The following KCNH8 variants were observed in gnomAD, a reference collection of about 807,000 sequenced individuals.
KCNH8 encodes the protein voltage-gated delayed rectifier potassium channel KCNH8.
KCNH8 carries 70 observed loss-of-function variants against 103.6 expected under a neutral mutation model. The observed-to-expected ratio is 0.68, with a 90% CI of 0.56 to 0.82. The LOEUF (loss-of-function observed/expected upper bound fraction) is 0.82, where lower values mean the gene tolerates loss of function less well. KCNH8 is among the 40% of genes least tolerant of loss of function. The probability of loss-of-function intolerance (pLI) is 0.00; values close to 1 mark genes in which losing one functional copy is unlikely to be tolerated. For missense variants in KCNH8, 1,217 were observed against 1,329.9 expected, an observed-to-expected ratio of 0.92 and a Z score of 1.32; for synonymous variants, 498 against 489.4, an observed-to-expected ratio of 1.02 and a Z score of -0.23.
At chr3:19,460,562 A>G (rs999593202) in intron 11 of KCNH8, among the ~76,000 whole-genome samples, 12 of 152,066 alleles carry the variant, frequency 7.9e-5, no homozygotes, top group South Asian at 4.1e-4. Flanking sequence ...CTTCTATTCT[A>G]TCTTACAATG....
At chr3:19,455,015 A>C (rs74317617) in intron 10 of KCNH8, among the ~76,000 whole-genome samples, 1 of 152,166 alleles carries the variant, frequency 6.6e-6, no homozygotes, top group African/African-American at 2.4e-5. Flanking sequence ...CAAGTACATG[A>C]CATTATACTT....
chr3:19,447,369 G>A (rs2067378049), intron 8 of KCNH8, among the ~76,000 whole-genome samples: 1 of 152,004 alleles, frequency 6.6e-6, no homozygotes, highest in Non-Finnish European at 1.5e-5. Flanking sequence ...ACTTATGAAT[G>A]CTACAATTAA....
At chr3:19,503,714 T>C (rs1413167510) in intron 11 of KCNH8, among the ~76,000 whole-genome samples, 1 of 135,066 alleles carries the variant, frequency 7.4e-6, no homozygotes. Context: ...CACTCATAGG[T>C]GGGAATTGAA....
chr3:19,520,227 C>A (rs115518519), intron 15 of KCNH8, among the ~76,000 whole-genome samples: 7 of 151,700 alleles, frequency 4.6e-5, no homozygotes, highest in Non-Finnish European at 1.0e-4. Context: ...TATCCCTCCC[C>A]TAGCCCCCCG....
intron 5 of KCNH8, among the ~76,000 whole-genome samples, chr3:19,349,268 T>G (rs1212901228): frequency 6.6e-6 from 1 of 152,088 alleles, no homozygotes; most frequent in Non-Finnish European, 1.5e-5. Context: ...ACATTCCAGT[T>G]TGAACAAGAA....
At chr3:19,438,133 T>A (rs368218947) in intron 7 of KCNH8, 31 bp from the exon 8 acceptor site, 161 of 1,563,226 alleles carry the variant, frequency 1.0e-4, no homozygotes, top group Non-Finnish European at 1.2e-4. Context: ...TACTTTTTCT[T>A]CTCTCATTTG....
rs77960140 is a variant in KCNH8, at chr3:19,286,696, G to A, written c.442+5367G>A. Among the ~76,000 whole-genome samples the A allele has an allele frequency of 6.1e-3, 936 of 152,214 alleles. 3 individuals carry two copies. The highest frequency in any genetic ancestry group is 0.01 in the Middle Eastern group (3 of 294). On this transcript the variant is annotated intron_variant, in intron 3 of 15. Coordinates refer to ENST00000328405, the MANE Select transcript of KCNH8 (RefSeq NM_144633.3). ...AAAAAATCTCTAGATTACTTATAAT[G>A]CCCAATGCAATGTAAATGCTATGAA... is the stretch of plus-strand genomic sequence containing the variant.
chr3:19,486,506 A>T (rs955730642), intron 11 of KCNH8, among the ~76,000 whole-genome samples: 1 of 151,998 alleles, frequency 6.6e-6, no homozygotes, highest in African/African-American at 2.4e-5. Context: ...GCCTTTGGAA[A>T]CCCCATCTAG....
chr3:19,513,278 G>A lies in KCNH8; in HGVS notation c.2388G>A (p.Leu796=). The change falls in exon 13 of 16, where the codon TTG becomes TTA. Residue 796 remains leucine, a synonymous_variant. Transcript: ENST00000328405. ...HNKRKEKNLK[L]QLSTLNNAGP... ...AAAGGAAAGAGAAGAACTTGAAATT[G>A]CAACTTTCAACTTTGAATAATGCTG... 1.2e-6 allele frequency: 2 copies of A among 1,612,344 alleles called. No individual in the cohort carries two copies. The highest frequency in any genetic ancestry group is 2.2e-5 in the East Asian group (1 of 44,852).
chr3:19,200,762 C>T (rs965410595), intron 1 of KCNH8, among the ~76,000 whole-genome samples: 4 of 151,966 alleles, frequency 2.6e-5, no homozygotes, highest in South Asian at 4.2e-4. Context: ...AACTTTAATA[C>T]ACGAAGTTCT....
chr3:19,452,335 A>C (rs1288905216), intron 10 of KCNH8, among the ~76,000 whole-genome samples: 4 of 152,132 alleles, frequency 2.6e-5, no homozygotes, highest in African/African-American at 9.7e-5. Context: ...CAGTAAGCCA[A>C]GATAGTGCCA....
At chr3:19,508,640 G>C in intron 11 of KCNH8, among the ~76,000 whole-genome samples, 1 of 152,126 alleles carries the variant, frequency 6.6e-6, no homozygotes, top group East Asian at 1.9e-4. Flanking sequence ...TTGGTCATGA[G>C]CTCTTACTAC....
chr3:19,205,326 T>C (rs538777352), intron 1 of KCNH8, among the ~76,000 whole-genome samples: 72 of 152,216 alleles, frequency 4.7e-4, no homozygotes, highest in African/African-American at 1.6e-3. Flanking sequence ...CTGCTTATAT[T>C]CCACTGCTTT....
intron 11 of KCNH8, among the ~76,000 whole-genome samples, chr3:19,490,478 A>G (rs1179301448): frequency 2.0e-5 from 3 of 152,184 alleles, no homozygotes; most frequent in Non-Finnish European, 4.4e-5. Context: ...TCAGAATGGA[A>G]CAGAACAGGA....
chr3:19,251,505 T>C lies in KCNH8; in HGVS notation c.77-2149T>C, dbSNP rs546185329. On this transcript the variant is annotated intron_variant, in intron 1 of 15. Coordinates refer to ENST00000328405, the MANE Select transcript of KCNH8 (RefSeq NM_144633.3). ...AGGCGCTGATTGGAGCAAAGCTGAGTAGTGTGGATTTTGTTCTGCCAGCCG... is the reference window on the plus strand; with the variant it reads ...AGGCGCTGATTGGAGCAAAGCTGAGCAGTGTGGATTTTGTTCTGCCAGCCG... 2.6e-5 allele frequency among the ~76,000 whole-genome samples: 4 copies of C among 151,810 alleles called. No individual in the cohort carries two copies. In the South Asian group the frequency reaches 6.2e-4, roughly 24 times the overall value.
intron 5 of KCNH8, among the ~76,000 whole-genome samples, chr3:19,379,689 A>C (rs978332342): frequency 6.6e-6 from 1 of 152,214 alleles, no homozygotes; most frequent in Non-Finnish European, 1.5e-5. Context: ...AGAATTCATC[A>C]AAACCACCCC....
chr3:19,476,263 C>A (rs1158950306), intron 11 of KCNH8, among the ~76,000 whole-genome samples: 1 of 152,144 alleles, frequency 6.6e-6, no homozygotes, highest in Non-Finnish European at 1.5e-5. Context: ...ACACTATCTT[C>A]AACAGACAAG....
At chr3:19,420,596 T>A (rs1165953050) in intron 7 of KCNH8, among the ~76,000 whole-genome samples, 2 of 152,238 alleles carry the variant, frequency 1.3e-5, no homozygotes, top group East Asian at 3.8e-4. Flanking sequence ...TTTTGGAATA[T>A]GTCGTGACTC....
intron 1 of KCNH8, among the ~76,000 whole-genome samples, chr3:19,191,820 A>G (rs1214450803): frequency 6.6e-6 from 1 of 151,626 alleles, no homozygotes; most frequent in African/African-American, 2.4e-5. Context: ...TTTGATTTTA[A>G]TTATGCTGTT....
Sources: allele counts gnomAD v4.1 joint callset (sites outside exome capture counted in the v4.1 genomes callset), GRCh38; gene constraint gnomAD v4.1.1; transcripts MANE v1.5; gene names NCBI Gene and HGNC (gene_info 2026-07-23, HGNC 2026-07-21).